PLCL2: variants seen among roughly 807,000 people sequenced by gnomAD.
The protein encoded by PLCL2 is phospholipase C like 2, also known as inactive phospholipase C-like protein 2.
Under a neutral mutation model 79.6 loss-of-function variants are expected in PLCL2, and 4 were observed. That is an observed-to-expected ratio of 0.05 (90% CI 0.02 to 0.11). PLCL2 has a LOEUF of 0.11. PLCL2 is among the 10% of genes least tolerant of loss of function. The probability of loss-of-function intolerance (pLI) is 1.00; values close to 1 mark genes in which losing one functional copy is unlikely to be tolerated. For missense variants in PLCL2, 895 were observed against 1,291.0 expected (o/e 0.69, Z 4.70); for synonymous variants, 484 against 457.7 (o/e 1.06, Z -0.73).
chr3:16,996,317 ACAC>A (rs1160151048), intron 1 of PLCL2, among the ~76,000 whole-genome samples: 1 of 152,020 alleles, frequency 6.6e-6, no homozygotes, highest in Non-Finnish European at 1.5e-5. Flanking sequence ...GGCGAGACTG[ACAC>A]CACATCCTGC....
In PLCL2 at chr3:16,885,134, T is replaced by G. The variant is rs764194893; in HGVS notation, c.95T>G (p.Val32Gly). ...GCCAAGGGCGCCCTGAAAGCCGGAG[T>G]GGGGGAAGGCGGTGGCGGGGGAGGT... is the stretch of plus-strand genomic sequence containing the variant. Reference protein sequence around the residue: ...LGAKGALKAGVGEGGGGGGRL... With the variant: ...LGAKGALKAGGGEGGGGGGRL... Residue 32 changes from valine (V) to glycine (G), a missense_variant, in exon 1 of 6, where the codon GTG becomes GGG. Physicochemically the swap from Val to Gly is moderately radical, Grantham distance 109 (BLOSUM62 -3). This residue lies in a region of PLCL2 where 110 missense variants were observed against 42.9 expected (regional missense o/e 2.56). Coordinates refer to ENST00000615277, the MANE Select transcript of PLCL2 (RefSeq NM_001144382.2). The G allele has an allele frequency of 6.3e-6, 3 of 475,046 alleles. No individual in the cohort carries two copies. Among genetic ancestry groups the G allele is most frequent in the South Asian group, 6.2e-5 (2 of 32,428 alleles). 29.4% of individuals were successfully genotyped at this position (475,046 alleles called of 1,614,324 possible).
At chr3:16,969,269 G>GA (rs2063834988) in intron 1 of PLCL2, among the ~76,000 whole-genome samples, 1 of 152,116 alleles carries the variant, frequency 6.6e-6, no homozygotes, top group Admixed American at 6.6e-5. Flanking sequence ...AATGAGTTAG[G>GA]AAGGAGTCAC....
intron 1 of PLCL2, among the ~76,000 whole-genome samples, chr3:16,885,799 A>G (rs932714427): frequency 1.8e-4 from 27 of 152,210 alleles, no homozygotes; most frequent in African/African-American, 6.5e-4. Flanking sequence ...AACAGAGATT[A>G]TTTAATAGGG....
intron 1 of PLCL2, among the ~76,000 whole-genome samples, chr3:16,962,435 T>A (rs548197048): frequency 2.0e-5 from 3 of 151,400 alleles, no homozygotes; most frequent in African/African-American, 4.9e-5. Context: ...TTTTTTTTTT[T>A]CCCCAAGGAC....
chr3:17,023,612 A>C (rs914216445), intron 3 of PLCL2, among the ~76,000 whole-genome samples: 1 of 152,142 alleles, frequency 6.6e-6, no homozygotes, highest in African/African-American at 2.4e-5. Context: ...AGCCATGTGG[A>C]ACTGTAAGTC....
chr3:17,062,870 G>C (rs2124939114), intron 4 of PLCL2, among the ~76,000 whole-genome samples: 1 of 152,170 alleles, frequency 6.6e-6, no homozygotes, highest in Admixed American at 6.5e-5. Flanking sequence ...TGTTTTCACA[G>C]TGGGAATTCT....
chr3:16,902,382 C>T (rs11917952), intron 1 of PLCL2, among the ~76,000 whole-genome samples: 11,365 of 152,158 alleles, frequency 0.075, 644 homozygotes, highest in African/African-American at 0.16. Flanking sequence ...TAAACAATTG[C>T]GTGATTTCCA....
intron 1 of PLCL2, among the ~76,000 whole-genome samples, chr3:16,899,928 A>G (rs1243724214): frequency 2.0e-5 from 3 of 150,154 alleles, no homozygotes; most frequent in Non-Finnish European, 2.9e-5. Context: ...TCTTTTCAAC[A>G]TTCCCTGCTT....
intron 4 of PLCL2, among the ~76,000 whole-genome samples, chr3:17,054,897 T>C (rs1341134304): frequency 1.3e-5 from 2 of 152,202 alleles, no homozygotes; most frequent in Non-Finnish European, 1.5e-5. Flanking sequence ...GTCCCTGCTG[T>C]GTGACTTTAG....
chr3:16,978,618 T>C (rs1383418488), intron 1 of PLCL2, among the ~76,000 whole-genome samples: 1 of 152,198 alleles, frequency 6.6e-6, no homozygotes, highest in Non-Finnish European at 1.5e-5. Flanking sequence ...CTGTTCTAAC[T>C]GTGGAGAAGT....
chr3:17,042,014 G>T (rs934193852), intron 3 of PLCL2, among the ~76,000 whole-genome samples: 2 of 152,124 alleles, frequency 1.3e-5, no homozygotes, highest in African/African-American at 4.8e-5. Context: ...CTTAAAATAT[G>T]ATGGTCATGT....
chr3:17,022,610 C>T (rs537839023), intron 3 of PLCL2, among the ~76,000 whole-genome samples: 88 of 152,276 alleles, frequency 5.8e-4, no homozygotes, highest in South Asian at 1.7e-3. Context: ...TCCAAAGCTG[C>T]GAGGAAGCAC....
chr3:16,950,006 T>C (rs561866083), intron 1 of PLCL2, among the ~76,000 whole-genome samples: 34 of 152,338 alleles, frequency 2.2e-4, no homozygotes, highest in African/African-American at 7.0e-4. Flanking sequence ...ATTAATCTGG[T>C]CATCTATTCC....
chr3:16,896,246 G>A (rs751394111), intron 1 of PLCL2, among the ~76,000 whole-genome samples: 2 of 152,132 alleles, frequency 1.3e-5, no homozygotes, highest in Non-Finnish European at 2.9e-5. Context: ...CTGCTGCTGT[G>A]GACACTTGTA....
chr3:17,048,525 TTA>T (rs1216164588), intron 4 of PLCL2, among the ~76,000 whole-genome samples: 1 of 152,202 alleles, frequency 6.6e-6, no homozygotes, highest in Non-Finnish European at 1.5e-5. Flanking sequence ...TTATCAAAAC[TTA>T]TGCACACACT....
intron 4 of PLCL2, among the ~76,000 whole-genome samples, chr3:17,049,649 T>C (rs140525392): frequency 1.0e-3 from 156 of 152,090 alleles, no homozygotes; most frequent in African/African-American, 3.6e-3. Flanking sequence ...TAATGAAAAC[T>C]ATAAAACACT....
At chr3:16,888,320 A>G (rs977698558) in intron 1 of PLCL2, among the ~76,000 whole-genome samples, 17 of 152,232 alleles carry the variant, frequency 1.1e-4, no homozygotes, top group African/African-American at 4.1e-4. Flanking sequence ...TTTTCTGCCA[A>G]AATAGATGCA....
rs2064296379 is a variant in PLCL2 at position 17,009,389 on chromosome 3, T to C, written c.328-285T>C. ...CTCCTGCCTTAGCCTCCCAAAGTGC[T>C]GAGTTTATAGGTGTGAACCTCCGTC... On this transcript the variant is annotated intron_variant, in intron 1 of 5. Coordinates refer to ENST00000615277, the MANE Select transcript of PLCL2 (RefSeq NM_001144382.2). The surrounding 1 kb of genome is among the most constrained non-coding windows in gnomAD (Gnocchi z 4.0). 6.6e-6 allele frequency among the ~76,000 whole-genome samples: 1 copy of C among 152,174 alleles called. No homozygotes were observed. Among genetic ancestry groups the C allele is most frequent in the African/African-American group, 2.4e-5 (1 of 41,440 alleles).
rs748767130 is a variant in PLCL2, at chr3:17,011,835, T to C, written c.2489T>C (p.Val830Ala). The change falls in exon 2 of 6, where the codon GTA (valine) becomes GCA (alanine). Residue 830 changes from valine (V) to alanine (A), a missense_variant. Coordinates refer to ENST00000615277, the MANE Select transcript of PLCL2 (RefSeq NM_001144382.2). This position sits in a 1 kb window ranked among gnomAD's most constrained non-coding sequence, Gnocchi z 7.9. ...CCTGAACTGGCCATGGTGCGCTTTG[T>C]AGTGCTGGATGATGACTACATTGGG... is the stretch of plus-strand genomic sequence containing the variant. ...NLPELAMVRF[V>A]VLDDDYIGDE... is the part of the protein sequence containing the mutation. 6.2e-7 allele frequency: 1 copy of C among 1,614,252 alleles called. No homozygotes were observed.
Sources: gnomAD v4.1 joint callset for allele counts (sites outside exome capture counted in the v4.1 genomes callset) on GRCh38, gnomAD v4.1.1 for gene constraint, gnomAD v4.1.1 regional missense constraint, Gnocchi (gnomAD v3.1) non-coding constraint, MANE v1.5 for transcripts, NCBI Gene and HGNC (gene_info 2026-07-23, HGNC 2026-07-21) for gene names.